Variants in L3MBTL4 observed in about 807,000 individuals in gnomAD.
L3MBTL4 encodes the protein lethal(3)malignant brain tumor-like protein 4.
A neutral mutation model predicts 84.5 loss-of-function variants in L3MBTL4; 70 were observed. The observed-to-expected ratio is 0.83, with a 90% CI of 0.68 to 1.01. The LOEUF is 1.01. Among genes scored for constraint, L3MBTL4 ranks in the 50% least tolerant of loss-of-function variants. The probability of loss-of-function intolerance (pLI) is 0.00; values close to 1 mark genes in which losing one functional copy is unlikely to be tolerated. For missense variants in L3MBTL4, 715 were observed against 754.8 expected, an observed-to-expected ratio of 0.95 and a Z score of 0.62; for synonymous variants, 274 against 259.8, an observed-to-expected ratio of 1.05 and a Z score of -0.52.
chr18:6,389,328 C>T (rs1323384279), intron 1 of L3MBTL4, among the ~76,000 whole-genome samples: 1 of 152,176 alleles, frequency 6.6e-6, no homozygotes, highest in East Asian at 1.9e-4. Context: ...TCAATCTACA[C>T]CAGAATAGAA....
At chr18:6,067,164 C>A (rs1350274692) in intron 16 of L3MBTL4, among the ~76,000 whole-genome samples, 2 of 152,198 alleles carry the variant, frequency 1.3e-5, no homozygotes, top group African/African-American at 2.4e-5. Context: ...GCTGAGAAAT[C>A]TGCTGTTAGT....
chr18:6,334,524 G>T (rs2052226692), intron 1 of L3MBTL4, among the ~76,000 whole-genome samples: 1 of 152,090 alleles, frequency 6.6e-6, no homozygotes, highest in Admixed American at 6.5e-5. Context: ...ATAAAAATAT[G>T]TTTAAAAAGT....
chr18:5,999,666 A>G (rs1354459883), intron 16 of L3MBTL4, among the ~76,000 whole-genome samples: 1 of 152,256 alleles, frequency 6.6e-6, no homozygotes, highest in African/African-American at 2.4e-5. Flanking sequence ...GTGAAACTAG[A>G]AGGCAGATAA....
intron 1 of L3MBTL4, among the ~76,000 whole-genome samples, chr18:6,406,290 G>A (rs1293735273): frequency 6.6e-6 from 1 of 152,228 alleles, no homozygotes; most frequent in African/African-American, 2.4e-5. Context: ...CTTCACCACA[G>A]TTTGATTAAC....
intron 16 of L3MBTL4, among the ~76,000 whole-genome samples, chr18:6,060,032 C>T (rs576013767): frequency 1.3e-5 from 2 of 152,262 alleles, no homozygotes; most frequent in South Asian, 4.1e-4. Context: ...AGAGTATTAT[C>T]AATAACAGAT....
At chr18:6,188,987 C>T (rs1299047735) in intron 12 of L3MBTL4, among the ~76,000 whole-genome samples, 6 of 152,240 alleles carry the variant, frequency 3.9e-5, no homozygotes, top group African/African-American at 1.2e-4. Flanking sequence ...AAAATTACCA[C>T]AAACTTGGTG....
At chr18:5,991,986 G>GCATC (rs35529758) in intron 16 of L3MBTL4, among the ~76,000 whole-genome samples, 7,650 of 149,048 alleles carry the variant, frequency 0.051, 284 homozygotes, top group African/African-American at 0.11. Context: ...TCCATCCAGT[G>GCATC]CATCCATCCA....
chr18:6,313,707 A>G (rs529258925), intron 1 of L3MBTL4, among the ~76,000 whole-genome samples: 2 of 152,316 alleles, frequency 1.3e-5, no homozygotes, highest in Admixed American at 1.3e-4. Context: ...TCATCTGGCT[A>G]CTGGCATTTT....
intron 10 of L3MBTL4, among the ~76,000 whole-genome samples, chr18:6,225,800 T>C (rs1398942267): frequency 6.8e-6 from 1 of 147,442 alleles, no homozygotes; most frequent in Non-Finnish European, 1.5e-5. Flanking sequence ...ACTCAGAAAC[T>C]ATGCAAGTCA....
intron 14 of L3MBTL4, among the ~76,000 whole-genome samples, chr18:6,094,343 A>C (rs1023366983): frequency 6.6e-6 from 1 of 152,170 alleles, no homozygotes; most frequent in Non-Finnish European, 1.5e-5. Context: ...TCACTTGTAC[A>C]TTACCCTGGG....
chr18:6,401,982 A>G (rs1198500331), intron 1 of L3MBTL4, among the ~76,000 whole-genome samples: 1 of 152,272 alleles, frequency 6.6e-6, no homozygotes, highest in Non-Finnish European at 1.5e-5. Flanking sequence ...ATAACTTTCA[A>G]GCTAGTATTA....
intron 1 of L3MBTL4, among the ~76,000 whole-genome samples, chr18:6,326,937 T>C (rs1424733135): frequency 2.6e-5 from 4 of 152,168 alleles, no homozygotes; most frequent in South Asian, 2.1e-4. Context: ...AATAACTACA[T>C]ACATGATCTT....
At chr18:6,245,135 G>A (rs945473988) in intron 5 of L3MBTL4, among the ~76,000 whole-genome samples, 4 of 152,066 alleles carry the variant, frequency 2.6e-5, no homozygotes, top group African/African-American at 9.7e-5. Context: ...TCCTGACCTT[G>A]TGATCTACCC....
At chr18:6,230,057 G>A (rs746161491) in intron 10 of L3MBTL4, among the ~76,000 whole-genome samples, 24 of 152,054 alleles carry the variant, frequency 1.6e-4, no homozygotes, top group African/African-American at 4.6e-4. Flanking sequence ...TGCTTATATC[G>A]CTTAGGGTAG....
chr18:6,103,915 C>T (rs144641819), intron 14 of L3MBTL4, among the ~76,000 whole-genome samples: 1,750 of 152,252 alleles, frequency 0.011, 28 homozygotes, highest in African/African-American at 0.036. Context: ...CTGCCTGGGC[C>T]GAGTGTTCCC....
At chr18:6,165,709 C>T (rs1286859305) in intron 13 of L3MBTL4, among the ~76,000 whole-genome samples, 1 of 152,164 alleles carries the variant, frequency 6.6e-6, no homozygotes, top group African/African-American at 2.4e-5. Flanking sequence ...ACGACTGGTA[C>T]CAACCACTGC....
Position 6,080,911 on chromosome 18 carries a change from C to A in L3MBTL4, c.1414G>T (p.Glu472Ter). 1 of 1,608,652 alleles carries A rather than the reference C, an allele frequency of 6.2e-7. No homozygotes were observed. The highest frequency in any genetic ancestry group is 8.5e-7 in the Non-Finnish European group (1 of 1,177,654). Residue 472 changes from glutamate (E) to a stop codon, truncating the protein, a stop_gained, in exon 16 of 19, where the codon GAA becomes TAA. Transcript: ENST00000317931. LOFTEE classifies it high-confidence loss of function. ...QAKCLKIKGK[E>*]DIDLDNLFRE... ...AAGAGATTATCCAAGTCAATATCTTCTTTTCCTTTGATTTTCAAACACTTT... is the reference window on the plus strand; with the variant it reads ...AAGAGATTATCCAAGTCAATATCTTATTTTCCTTTGATTTTCAAACACTTT...
chr18:6,171,746 T>A, intron 13 of L3MBTL4, 82 bp downstream of exon 13: 1 of 743,708 alleles, frequency 1.3e-6, no homozygotes, highest in South Asian at 1.9e-5. Context: ...TTCAAATGCC[T>A]GTAATGGCAT....
chr18:6,088,193 G>C (rs898569755), intron 15 of L3MBTL4, among the ~76,000 whole-genome samples: 1 of 152,208 alleles, frequency 6.6e-6, no homozygotes, highest in African/African-American at 2.4e-5. Flanking sequence ...GCAAGGATAG[G>C]ACTGGCTCTG....
Sources: gnomAD v4.1 joint callset for allele counts (sites outside exome capture counted in the v4.1 genomes callset) on GRCh38, gnomAD v4.1.1 for gene constraint, MANE v1.5 for transcripts, NCBI Gene and HGNC (gene_info 2026-07-23, HGNC 2026-07-21) for gene names.